The following DYSF variants were observed in gnomAD, a reference collection of about 807,000 sequenced individuals.
DYSF encodes the protein dystrophy-associated fer-1-like 1.
In DYSF, 212 loss-of-function variants were observed where a neutral mutation model predicts 274.9. The ratio of observed to expected loss-of-function variants is 0.77; its 90% CI spans 0.69 to 0.86. The LOEUF (loss-of-function observed/expected upper bound fraction) is 0.86. DYSF is among the 40% of genes least tolerant of loss of function. The probability of loss-of-function intolerance (pLI) is 0.00; values close to 1 mark genes in which losing one functional copy is unlikely to be tolerated. For missense variants in DYSF, 2,666 were observed against 2,783.2 expected (o/e 0.96, Z 0.95); for synonymous variants, 1,091 against 1,078.7 (o/e 1.01, Z -0.22).
intron 52 of DYSF, among the ~76,000 whole-genome samples, chr2:71,676,543 A>T (rs1282953755): frequency 2.0e-5 from 3 of 151,792 alleles, no homozygotes; most frequent in Admixed American, 6.6e-5. Flanking sequence ...TTTTATGGAG[A>T]CTTTTTTTCT....
At chr2:71,572,004 G>A (rs1270816677) in intron 29 of DYSF, among the ~76,000 whole-genome samples, 1 of 127,156 alleles carries the variant, frequency 7.9e-6, no homozygotes, top group Non-Finnish European at 1.6e-5. Flanking sequence ...ACCCAGCACA[G>A]ATCACACTCA....
intron 40 of DYSF, among the ~76,000 whole-genome samples, chr2:71,619,029 C>T (rs1376627996): frequency 6.6e-6 from 1 of 151,990 alleles, no homozygotes; most frequent in East Asian, 1.9e-4. Context: ...AAATTATGCC[C>T]GAGTCCCAAA....
At chr2:71,498,481 T>C (rs1020390309) in intron 3 of DYSF, among the ~76,000 whole-genome samples, 1 of 152,212 alleles carries the variant, frequency 6.6e-6, no homozygotes, top group Non-Finnish European at 1.5e-5. Context: ...CCAGCAGGAA[T>C]GCAGTGTCTG....
chr2:71,493,294 G>A (rs1000320360), intron 3 of DYSF, among the ~76,000 whole-genome samples: 6 of 152,136 alleles, frequency 3.9e-5, no homozygotes, highest in Admixed American at 6.6e-5. Context: ...CCCCCAGTGC[G>A]GGATTCAGCC....
Position 71,656,308 on chromosome 2 carries a change from TC to T in DYSF, c.4755+21del. 6.2e-7 allele frequency: 1 copy of T among 1,613,316 alleles called. No individual in the cohort carries two copies. Among genetic ancestry groups the T allele is most frequent in the Non-Finnish European group, 8.5e-7 (1 of 1,179,826 alleles). On this transcript the variant is annotated intron_variant, in intron 43 of 55. Transcript: ENST00000410020. The stretch of plus-strand genomic sequence containing the variant: ...AATTTAAGGTAAATCCTCGAAGACG[TC>T]CCTAACCCAGGTGGGCCTAAGACTG...
At chr2:71,535,802 C>T (rs1196673039) in intron 16 of DYSF, among the ~76,000 whole-genome samples, 1 of 152,182 alleles carries the variant, frequency 6.6e-6, no homozygotes, top group African/African-American at 2.4e-5. Flanking sequence ...AGCTGTGCAG[C>T]AGGTGAGGAC....
chr2:71,585,295 A>G (rs2093028840), intron 30 of DYSF, among the ~76,000 whole-genome samples: 3 of 152,208 alleles, frequency 2.0e-5, no homozygotes, highest in Non-Finnish European at 4.4e-5. Context: ...TTGTGAGGCT[A>G]TGCGTGTTAG....
upstream of DYSF, among the ~76,000 whole-genome samples, chr2:71,465,721 C>T (rs2081489890): frequency 6.6e-6 from 1 of 152,318 alleles, no homozygotes; most frequent in African/African-American, 2.4e-5. Context: ...TTAGTGAGGA[C>T]TTGGGCGGTG....
intron 45 of DYSF, among the ~76,000 whole-genome samples, chr2:71,662,928 G>A (rs1443089913): frequency 2.1e-4 from 7 of 33,064 alleles, no homozygotes; most frequent in South Asian, 1.2e-3. Context: ...ATGTGTGCAC[G>A]TATGTGCATG....
chr2:71,526,410 G>GGGGT, intron 13 of DYSF, 64 bp downstream of exon 13: 1 of 1,463,010 alleles, frequency 6.8e-7, no homozygotes, highest in Non-Finnish European at 9.4e-7. Context: ...GCTGGTGGGG[G>GGGGT]TGGGCGATGG....
intron 52 of DYSF, among the ~76,000 whole-genome samples, chr2:71,677,553 G>T (rs1387007158): frequency 6.6e-6 from 1 of 152,130 alleles, no homozygotes; most frequent in East Asian, 1.9e-4. Context: ...TAAAAGGGAT[G>T]ATTAGATAAA....
At chr2:71,525,757 T>G (rs1361241802) in intron 12 of DYSF, among the ~76,000 whole-genome samples, 1 of 152,226 alleles carries the variant, frequency 6.6e-6, no homozygotes, top group Admixed American at 6.5e-5. Context: ...CATCCCCTTA[T>G]TCATTGCCAT....
At chr2:71,508,680 C>T (rs773696922) in intron 4 of DYSF, among the ~76,000 whole-genome samples, 2 of 152,096 alleles carry the variant, frequency 1.3e-5, no homozygotes, top group South Asian at 2.1e-4. Flanking sequence ...GATTGTGATT[C>T]GTTTGGTTAC....
At chr2:71,570,859 C>G (rs1243071870) in intron 29 of DYSF, 118 bp downstream of exon 29, 1 of 1,451,942 alleles carries the variant, frequency 6.9e-7, no homozygotes, top group African/African-American at 1.4e-5. Context: ...TGCACAGACA[C>G]CTGGGACTCA....
In DYSF at chr2:71,679,617, G is replaced by T. The variant is rs141033141; in HGVS notation, c.6063+382G>T. 3.3e-3 allele frequency among the ~76,000 whole-genome samples: 499 copies of T among 152,252 alleles called. 1 individual carries two copies. Among genetic ancestry groups the T allele is most frequent in the Non-Finnish European group, 5.5e-3 (376 of 68,022 alleles). ...CCCTCCAAGGGACCATCCTTATTCT[G>T]CTCTCTGAGAGGTCTGCTTAGAGGG... On this transcript the variant is annotated intron_variant, in intron 53 of 55. Transcript: ENST00000410020.
intron 30 of DYSF, among the ~76,000 whole-genome samples, chr2:71,584,284 G>A (rs553795451): frequency 2.0e-5 from 3 of 152,184 alleles, no homozygotes; most frequent in East Asian, 1.9e-4. Context: ...GAGGCAAAGC[G>A]GCCCTCCCTG....
At chr2:71,578,376 C>T (rs1419921034) in intron 30 of DYSF, among the ~76,000 whole-genome samples, 2 of 152,106 alleles carry the variant, frequency 1.3e-5, no homozygotes, top group African/African-American at 4.8e-5. Context: ...GGAGGTATGG[C>T]AAGATGACAT....
chr2:71,501,424 C>T (rs1214863302), intron 3 of DYSF, among the ~76,000 whole-genome samples: 2 of 152,086 alleles, frequency 1.3e-5, no homozygotes, highest in African/African-American at 2.4e-5. Context: ...TATGATAAAT[C>T]GACATAAACG....
chr2:71,596,214 C>T lies in DYSF; in HGVS notation c.3575-2350C>T, dbSNP rs541445906. On this transcript the variant is annotated intron_variant, in intron 32 of 55. Coordinates refer to ENST00000410020, the MANE Select transcript of DYSF (RefSeq NM_001130987.2). ...CACCCCCTCCCCGTTCTCCCCCCAGCGCTGAGCTCATTGCCTGGGCTGATG... is the reference window on the plus strand; with the variant it reads ...CACCCCCTCCCCGTTCTCCCCCCAGTGCTGAGCTCATTGCCTGGGCTGATG... 3.3e-5 allele frequency among the ~76,000 whole-genome samples: 5 copies of T among 152,088 alleles called. No individual in the cohort carries two copies. The South Asian group carries it at 8.3e-4, about 25-fold the overall frequency.
Sources: allele counts gnomAD v4.1 joint callset (sites outside exome capture counted in the v4.1 genomes callset), GRCh38; gene constraint gnomAD v4.1.1; transcripts MANE v1.5; gene names NCBI Gene and HGNC (gene_info 2026-07-23, HGNC 2026-07-21).